Variants in LAMA2 observed in about 807,000 individuals in gnomAD.
The protein encoded by LAMA2 is laminin subunit alpha 2.
LAMA2 carries 269 observed loss-of-function variants against 364.8 expected under a neutral mutation model. The observed-to-expected ratio is 0.74, with a 90% confidence interval of 0.67 to 0.82. LAMA2 has a LOEUF of 0.82. LAMA2 is among the 40% of genes least tolerant of loss of function. The pLI, the probability that LAMA2 is intolerant of heterozygous loss-of-function variation, is 0.00. For synonymous variants in LAMA2, 1,379 were observed against 1,370.6 expected (o/e 1.01, Z -0.14); for missense variants, 3,807 against 3,873.2 (o/e 0.98, Z 0.45).
intron 8 of LAMA2, 37 bp from the exon 9 acceptor site, chr6:129,165,539 T>C: frequency 7.1e-7 from 1 of 1,412,714 alleles, no homozygotes; most frequent in Non-Finnish European, 1.0e-6. Flanking sequence ...GCTGTTTCTA[T>C]TACACTTCGT....
intron 1 of LAMA2, among the ~76,000 whole-genome samples, chr6:128,956,273 T>A (rs1335544753): frequency 6.6e-6 from 1 of 152,026 alleles, no homozygotes; most frequent in Non-Finnish European, 1.5e-5. Flanking sequence ...CTGACTCTTC[T>A]GTGAAATTTC....
Position 129,456,431 on chromosome 6 carries a change from C to T in LAMA2, c.6804C>T (p.Tyr2268=), listed in dbSNP as rs745565928. 3.1e-6 allele frequency: 5 copies of T among 1,613,448 alleles called. No individual in the cohort carries two copies. The highest frequency in any genetic ancestry group is 2.2e-5 in the East Asian group (1 of 44,850). The change falls in exon 48 of 65, where the codon TAC becomes TAT. Residue 2268 remains tyrosine (Y), a synonymous_variant. Transcript: ENST00000421865. ...STHHSTSPPG[Y]TILDVDANAM... ...ACCATTCGACGTCTCCTCCAGGGTA[C>T]ACGATTCTAGATGTGGATGCAAATG...
At chr6:129,404,370 A>G (rs2114698809) in intron 40 of LAMA2, among the ~76,000 whole-genome samples, 1 of 152,350 alleles carries the variant, frequency 6.6e-6, no homozygotes, top group African/African-American at 2.4e-5. Flanking sequence ...ACTTTTTAAT[A>G]AAAACATACT....
intron 1 of LAMA2, among the ~76,000 whole-genome samples, chr6:128,924,573 T>A (rs1438942757): frequency 1.3e-5 from 2 of 152,104 alleles, no homozygotes; most frequent in African/African-American, 4.8e-5. Flanking sequence ...TATAATAAAC[T>A]AAAGCTTTTT....
At chr6:129,161,912 C>G (rs1779462317) in intron 8 of LAMA2, among the ~76,000 whole-genome samples, 1 of 152,014 alleles carries the variant, frequency 6.6e-6, no homozygotes, top group Non-Finnish European at 1.5e-5. Context: ...ATGATGGTAC[C>G]TAGGTTGATT....
intron 45 of LAMA2, among the ~76,000 whole-genome samples, chr6:129,449,519 C>T (rs1300992834): frequency 6.6e-6 from 1 of 152,072 alleles, no homozygotes; most frequent in Non-Finnish European, 1.5e-5. Flanking sequence ...CCAAAAGGCC[C>T]CCCTCCCAAC....
chr6:129,357,322 T>C lies in LAMA2; in HGVS notation c.4717+3965T>C, dbSNP rs141008378. Reference sequence around the variant, plus strand: ...ATTATGAGTGGCATAGTAAAATGTATTACTCTCCTAGAGAACAGAAATTAA... The same window carrying C: ...ATTATGAGTGGCATAGTAAAATGTACTACTCTCCTAGAGAACAGAAATTAA... On this transcript the variant is annotated intron_variant, in intron 32 of 64. Coordinates refer to ENST00000421865, the MANE Select transcript of LAMA2 (RefSeq NM_000426.4). Among the ~76,000 whole-genome samples the C allele has an allele frequency of 1.2e-3, 182 of 152,154 alleles. 1 individual carries two copies. Among genetic ancestry groups the C allele is most frequent in the African/African-American group, 4.2e-3 (175 of 41,566 alleles).
chr6:129,347,300 G>A (rs1018154925), intron 30 of LAMA2, among the ~76,000 whole-genome samples: 4 of 152,092 alleles, frequency 2.6e-5, no homozygotes, highest in African/African-American at 9.7e-5. Context: ...ATTAGGGAAA[G>A]GTCTGGTGTA....
At chr6:129,125,447 A>G (rs79291640) in intron 4 of LAMA2, among the ~76,000 whole-genome samples, 5,866 of 152,284 alleles carry the variant, frequency 0.039, 386 homozygotes, top group African/African-American at 0.13. Context: ...AGCTCTAAGG[A>G]ACATCTACCT....
intron 28 of LAMA2, among the ~76,000 whole-genome samples, chr6:129,320,891 G>T (rs887565999): frequency 6.6e-6 from 1 of 152,142 alleles, no homozygotes; most frequent in Non-Finnish European, 1.5e-5. Context: ...TAACAATCAG[G>T]AATTAAGAAT....
rs544175225 is a variant in LAMA2, at chr6:129,370,965, C to T, written c.4959+975C>T. Among the ~76,000 whole-genome samples, 4 of 152,300 alleles carry T rather than the reference C, an allele frequency of 2.6e-5. No homozygotes were observed. In the South Asian group the frequency reaches 8.3e-4, roughly 32 times the overall value. ...TGATGTTACAATAGCATACTAAACA[C>T]TTTTTCAGAATCTCATAGCAACAAT... On this transcript the variant is annotated intron_variant, in intron 34 of 64. Coordinates refer to ENST00000421865, the MANE Select transcript of LAMA2 (RefSeq NM_000426.4).
At chr6:129,007,271 C>T (rs368590484) in intron 1 of LAMA2, among the ~76,000 whole-genome samples, 5 of 152,228 alleles carry the variant, frequency 3.3e-5, no homozygotes, top group African/African-American at 1.2e-4. Flanking sequence ...ATGAGAGACC[C>T]TAAGCACCTC....
intron 58 of LAMA2, among the ~76,000 whole-genome samples, chr6:129,495,866 G>A (rs1267921015): frequency 1.3e-5 from 2 of 149,836 alleles, no homozygotes; most frequent in Middle Eastern, 3.4e-3. Flanking sequence ...TTCTAATTTC[G>A]ATTTCCATTT....
At chr6:129,337,036 C>A (rs1174370550) in intron 29 of LAMA2, among the ~76,000 whole-genome samples, 1 of 152,150 alleles carries the variant, frequency 6.6e-6, no homozygotes, top group East Asian at 1.9e-4. Flanking sequence ...TTTGTTCATT[C>A]CTGTGGCATC....
At chr6:128,995,888 C>T (rs1216307259) in intron 1 of LAMA2, among the ~76,000 whole-genome samples, 1 of 152,026 alleles carries the variant, frequency 6.6e-6, no homozygotes, top group Non-Finnish European at 1.5e-5. Context: ...GAACTTTTTT[C>T]TTTAGGACGT....
intron 1 of LAMA2, among the ~76,000 whole-genome samples, chr6:129,013,916 A>G (rs1237709633): frequency 6.6e-6 from 1 of 152,200 alleles, no homozygotes; most frequent in Non-Finnish European, 1.5e-5. Context: ...AATGGGAAAA[A>G]GCAGACATGT....
intron 12 of LAMA2, among the ~76,000 whole-genome samples, chr6:129,244,130 A>G (rs1179554822): frequency 6.6e-6 from 1 of 152,046 alleles, no homozygotes; most frequent in Non-Finnish European, 1.5e-5. Flanking sequence ...TTTTCTATGC[A>G]TTAAGGATGA....
chr6:129,248,933 C>T (rs904035663), intron 12 of LAMA2, among the ~76,000 whole-genome samples: 13 of 152,108 alleles, frequency 8.5e-5, no homozygotes, highest in Admixed American at 4.6e-4. Flanking sequence ...AAAAGACATT[C>T]GAATAAGGCC....
chr6:129,502,422 A>G (rs996067923), intron 58 of LAMA2, among the ~76,000 whole-genome samples: 1 of 152,256 alleles, frequency 6.6e-6, no homozygotes, highest in Non-Finnish European at 1.5e-5. Context: ...GAGTTAATCA[A>G]TAAATATGTC....
Sources: allele counts gnomAD v4.1 joint callset (sites outside exome capture counted in the v4.1 genomes callset), GRCh38; gene constraint gnomAD v4.1.1; transcripts MANE v1.5; gene names NCBI Gene and HGNC (gene_info 2026-07-23, HGNC 2026-07-21).